Variants in FAM78B observed in about 807,000 individuals in gnomAD.
FAM78B encodes protein FAM78B.
In FAM78B, 10 loss-of-function variants were observed where a neutral mutation model predicts 20.0. That is an observed-to-expected ratio of 0.50 (90% CI 0.31 to 0.85). The LOEUF is 0.85. Ranked by LOEUF, FAM78B falls within the 40% of genes least tolerant of loss-of-function variation. FAM78B has a pLI of 0.05. For missense variants in FAM78B, 283 were observed against 345.0 expected (o/e 0.82, Z 1.42); for synonymous variants, 135 against 132.8 (o/e 1.02, Z -0.12).
intron 1 of FAM78B, among the ~76,000 whole-genome samples, chr1:166,099,033 T>A (rs1018280470): frequency 6.6e-6 from 1 of 152,166 alleles, no homozygotes; most frequent in African/African-American, 2.4e-5. Context: ...ACCTATTAGA[T>A]TAACAGCAGA....
intron 1 of FAM78B, among the ~76,000 whole-genome samples, chr1:166,152,862 C>T (rs984285765): frequency 6.6e-6 from 1 of 151,812 alleles, no homozygotes; most frequent in African/African-American, 2.4e-5. Context: ...ATTTTTAGTA[C>T]AGACGAGGTT....
chr1:166,135,013 A>G (rs995944035), intron 1 of FAM78B, among the ~76,000 whole-genome samples: 5 of 152,232 alleles, frequency 3.3e-5, no homozygotes, highest in Admixed American at 6.5e-5. Context: ...AATTATTTTT[A>G]AAGAAGCTAA....
intron 1 of FAM78B, among the ~76,000 whole-genome samples, chr1:166,097,983 C>T (rs1653353625): frequency 6.6e-6 from 1 of 152,212 alleles, no homozygotes; most frequent in African/African-American, 2.4e-5. Flanking sequence ...GTCCACTACA[C>T]CCCTTTGCCA....
At chr1:166,120,843 C>T (rs943287009) in intron 1 of FAM78B, among the ~76,000 whole-genome samples, 21 of 152,208 alleles carry the variant, frequency 1.4e-4, no homozygotes, top group African/African-American at 3.9e-4. Context: ...GACTCCAGAA[C>T]CCTGGCCATA....
At chr1:166,073,213 A>C (rs1049848324) in intron 1 of FAM78B, among the ~76,000 whole-genome samples, 4 of 152,208 alleles carry the variant, frequency 2.6e-5, no homozygotes, top group African/African-American at 9.6e-5. Flanking sequence ...ACATGTAGTC[A>C]TTGGGAATAG....
intron 1 of FAM78B, among the ~76,000 whole-genome samples, chr1:166,105,736 G>C (rs1001512681): frequency 2.6e-5 from 4 of 151,842 alleles, no homozygotes; most frequent in African/African-American, 9.7e-5. Flanking sequence ...GGAGAAATAG[G>C]AACACTTTTA....
chr1:166,094,919 CT>C (rs1653218776), intron 1 of FAM78B, among the ~76,000 whole-genome samples: 1 of 152,272 alleles, frequency 6.6e-6, no homozygotes, highest in African/African-American at 2.4e-5. Context: ...CAGAATGACC[CT>C]TCTGCCTAGT....
At chr1:166,106,634 T>A (rs1247675992) in intron 1 of FAM78B, among the ~76,000 whole-genome samples, 1 of 152,054 alleles carries the variant, frequency 6.6e-6, no homozygotes, top group Non-Finnish European at 1.5e-5. Flanking sequence ...AACCAAATAC[T>A]GCATGTTCTC....
intron 1 of FAM78B, among the ~76,000 whole-genome samples, chr1:166,140,886 A>T (rs1655252132): frequency 6.6e-6 from 1 of 152,220 alleles, no homozygotes; most frequent in Non-Finnish European, 1.5e-5. Flanking sequence ...TGCTCTCAAA[A>T]CAACCCTGTG....
At chr1:166,060,842 A>AAG (rs10655378) in intron 2 of FAM78B, among the ~76,000 whole-genome samples, 150,630 of 152,250 alleles carry the variant, frequency 0.99, 74,525 homozygotes, top group East Asian at 1. Context: ...CTTCTCTATA[A>AAG]AGAATATATA....
At chr1:166,114,883 T>A (rs115067789) in intron 1 of FAM78B, among the ~76,000 whole-genome samples, 2 of 152,234 alleles carry the variant, frequency 1.3e-5, no homozygotes, top group Non-Finnish European at 1.5e-5. Context: ...ATCTGATGCA[T>A]GTGTATCCTG....
chr1:166,076,173 C>T (rs1652267034), intron 1 of FAM78B, among the ~76,000 whole-genome samples: 1 of 152,216 alleles, frequency 6.6e-6, no homozygotes, highest in Non-Finnish European at 1.5e-5. Flanking sequence ...AATCGTGTCA[C>T]TTTCTTGCTC....
At chr1:166,086,916 A>C (rs1652853163) in intron 1 of FAM78B, among the ~76,000 whole-genome samples, 1 of 152,132 alleles carries the variant, frequency 6.6e-6, no homozygotes, top group Admixed American at 6.5e-5. Flanking sequence ...GGATGCCTAA[A>C]TGTTCCCCCA....
intron 1 of FAM78B, among the ~76,000 whole-genome samples, chr1:166,071,976 T>A (rs1038468800): frequency 6.6e-6 from 1 of 152,204 alleles, no homozygotes; most frequent in African/African-American, 2.4e-5. Context: ...GCATGCTCCA[T>A]ATTTTCGCTC....
At chr1:166,151,733 C>T (rs904130360) in intron 1 of FAM78B, among the ~76,000 whole-genome samples, 13 of 152,228 alleles carry the variant, frequency 8.5e-5, no homozygotes, top group Non-Finnish European at 1.8e-4. Context: ...ACTGTTCAAC[C>T]ATTCGGCTAA....
chr1:166,113,891 G>A (rs568209628), intron 1 of FAM78B, among the ~76,000 whole-genome samples: 2 of 152,282 alleles, frequency 1.3e-5, no homozygotes, highest in East Asian at 3.9e-4. Context: ...TGCCATCTTC[G>A]CAGGGGCAGT....
intron 1 of FAM78B, among the ~76,000 whole-genome samples, chr1:166,078,272 G>A (rs57014365): frequency 0.15 from 23,256 of 151,748 alleles, 1,977 homozygotes; most frequent in African/African-American, 0.23. Flanking sequence ...CTGGTGATCC[G>A]CCTGCCTCGA....
chr1:166,067,081 A>G (rs1651824281), downstream of FAM78B, among the ~76,000 whole-genome samples: 1 of 152,156 alleles, frequency 6.6e-6, no homozygotes, highest in Admixed American at 6.5e-5. Flanking sequence ...GACGGATCCA[A>G]TTGTCTCTAG....
At chr1:166,082,882 T>A (rs1196673657) in intron 1 of FAM78B, among the ~76,000 whole-genome samples, 1 of 151,774 alleles carries the variant, frequency 6.6e-6, no homozygotes, top group Non-Finnish European at 1.5e-5. Flanking sequence ...TCCCTGGGGC[T>A]CCTGGCAAGG....
Sources: allele counts gnomAD v4.1 joint callset (sites outside exome capture counted in the v4.1 genomes callset), GRCh38; gene constraint gnomAD v4.1.1; transcripts MANE v1.5; gene names NCBI Gene and HGNC (gene_info 2026-07-23, HGNC 2026-07-21).